Variants in BMPER observed in about 807,000 individuals in gnomAD.
The protein encoded by BMPER is BMP-binding endothelial regulator protein.
BMPER carries 45 observed loss-of-function variants against 87.3 expected under a neutral mutation model. The ratio of observed to expected loss-of-function variants is 0.52; its 90% CI spans 0.41 to 0.66. BMPER has a LOEUF of 0.66. Among genes scored for constraint, BMPER ranks in the 30% least tolerant of loss-of-function variants. The pLI is 0.00. For missense variants in BMPER, 784 were observed against 867.5 expected, an observed-to-expected ratio of 0.90 and a Z score of 1.21; for synonymous variants, 326 against 316.2, an observed-to-expected ratio of 1.03 and a Z score of -0.33.
At chr7:34,027,838 A>C (rs1299464346) in intron 6 of BMPER, among the ~76,000 whole-genome samples, 1 of 152,116 alleles carries the variant, frequency 6.6e-6, no homozygotes, top group Admixed American at 6.6e-5. Flanking sequence ...TACTCATATA[A>C]TTATCTGAAG....
rs1402760187 is a variant in BMPER, at chr7:33,905,565, A to G, written c.-49A>G. On this transcript the variant is annotated 5_prime_UTR_variant, in exon 1 of 15. Transcript: ENST00000649409. ...ACTGTGAGCTGCGGCAGCTGAGCAG[A>G]GGCGGCGGCGCGGGACCTGCAGTCG... The G allele has an allele frequency of 6.2e-7, 1 of 1,602,804 alleles. No homozygotes were observed. The highest frequency in any genetic ancestry group is 8.5e-7 in the Non-Finnish European group (1 of 1,178,640).
chr7:33,984,245 A>C (rs1021090011), intron 6 of BMPER, among the ~76,000 whole-genome samples: 2 of 152,104 alleles, frequency 1.3e-5, no homozygotes, highest in African/African-American at 4.8e-5. Context: ...AGGCGGGTGG[A>C]TCACGAGGTC....
intron 2 of BMPER, among the ~76,000 whole-genome samples, chr7:33,927,331 T>C (rs1450636266): frequency 6.6e-6 from 1 of 152,154 alleles, no homozygotes; most frequent in Non-Finnish European, 1.5e-5. Flanking sequence ...AGGTACGTTA[T>C]CCAGGAAGGA....
rs112678543 is a variant in BMPER, at chr7:33,937,578, G to T, written c.319+190G>T. The T allele has an allele frequency of 2.8e-3, 1,726 of 617,550 alleles. 18 individuals carry two copies. In the African/African-American group the frequency reaches 0.028, roughly 10 times the overall value. The allele number at this position is 617,550 out of a possible 1,614,324, so 38.3% of individuals were successfully genotyped here. A position where few individuals can be genotyped will look rare whatever the true frequency, so the allele number is the denominator to read the frequency against. On this transcript the variant is annotated intron_variant, in intron 3 of 14. Coordinates refer to ENST00000649409, the MANE Select transcript of BMPER (RefSeq NM_001365308.1). ...TGTATGTGTGTATCTGGGGCTGGAA[G>T]GAAGGGGGCTCTCCTGGAGGAGGGA... is the stretch of plus-strand genomic sequence containing the variant.
intron 13 of BMPER, among the ~76,000 whole-genome samples, chr7:34,140,573 G>T (rs1035621276): frequency 6.6e-6 from 1 of 152,188 alleles, no homozygotes; most frequent in Non-Finnish European, 1.5e-5. Context: ...GAGACAGAGG[G>T]ACCTGTCTGT....
chr7:33,937,989 G>A (rs1391949946), intron 3 of BMPER, among the ~76,000 whole-genome samples: 2 of 152,120 alleles, frequency 1.3e-5, no homozygotes, highest in African/African-American at 4.8e-5. Context: ...GCCTTAGTGT[G>A]GGTCTTTTTT....
At chr7:33,977,239 A>G (rs1418992758) in intron 6 of BMPER, among the ~76,000 whole-genome samples, 1 of 152,074 alleles carries the variant, frequency 6.6e-6, no homozygotes, top group African/African-American at 2.4e-5. Context: ...CTGGTTTTTA[A>G]TATTCTTTCA....
rs760041868 is a variant in BMPER, at chr7:34,079,089, C to G, written c.1311C>G (p.Thr437=). ...ESRVSLQQHL[T]VRWNGSRIAL... The stretch of plus-strand genomic sequence containing the variant: ...GGGTCAGCCTGCAGCAGCACCTCAC[C>G]GTGCGCTGGAACGGCTCGCGCATCG... The change falls in exon 12 of 15, where the codon ACC becomes ACG. Residue 437 remains threonine, a synonymous_variant. Transcript: ENST00000649409. 6.2e-7 allele frequency: 1 copy of G among 1,614,028 alleles called. No individual in the cohort carries two copies. The highest frequency in any genetic ancestry group is 1.1e-5 in the South Asian group (1 of 91,060).
chr7:34,066,764 T>C (rs550286876), intron 11 of BMPER, among the ~76,000 whole-genome samples: 1 of 152,166 alleles, frequency 6.6e-6, no homozygotes, highest in East Asian at 1.9e-4. Flanking sequence ...ATGGAAATAA[T>C]ACATAGGGTC....
rs74379866 is a variant in BMPER at position 33,919,980 on chromosome 7, T to C, written c.219+13077T>C. Among the ~76,000 whole-genome samples, 52 of 152,176 alleles carry C rather than the reference T, an allele frequency of 3.4e-4. No individual in the cohort carries two copies. In the East Asian group the frequency reaches 9.9e-3, roughly 29 times the overall value. ...ATGTATTTATATAACATTTGGATAA[T>C]GGTTTTAGTTTGGAAACTACCCTCT... On this transcript the variant is annotated intron_variant, in intron 2 of 14. Coordinates refer to ENST00000649409, the MANE Select transcript of BMPER (RefSeq NM_001365308.1).
chr7:34,145,871 C>G (rs1791003341), intron 14 of BMPER, among the ~76,000 whole-genome samples: 1 of 152,146 alleles, frequency 6.6e-6, no homozygotes, highest in South Asian at 2.1e-4. Flanking sequence ...ATTTCAGGGA[C>G]TGAGTCTCTG....
intron 2 of BMPER, among the ~76,000 whole-genome samples, chr7:33,936,532 T>C (rs972828075): frequency 6.6e-6 from 1 of 152,228 alleles, no homozygotes; most frequent in Non-Finnish European, 1.5e-5. Flanking sequence ...AAATCTCACA[T>C]TTTGTTGAAT....
intron 6 of BMPER, among the ~76,000 whole-genome samples, chr7:34,031,891 T>G (rs1211509274): frequency 1.6e-5 from 1 of 62,980 alleles, no homozygotes; most frequent in African/African-American, 1.3e-4. Context: ...ACCATATATA[T>G]ATATATATAT....
At chr7:34,083,268 A>G (rs1789103463) in intron 12 of BMPER, among the ~76,000 whole-genome samples, 3 of 152,190 alleles carry the variant, frequency 2.0e-5, no homozygotes. Context: ...TCTCACAGAG[A>G]TCCACATGGG....
chr7:34,065,070 G>C (rs957443848), intron 11 of BMPER, among the ~76,000 whole-genome samples: 3 of 152,092 alleles, frequency 2.0e-5, no homozygotes, highest in Admixed American at 2.0e-4. Flanking sequence ...CAGATTTCTA[G>C]AGTAGAGAAA....
chr7:33,905,586 A>T lies in BMPER; in HGVS notation c.-28A>T. 6.2e-7 allele frequency: 1 copy of T among 1,609,140 alleles called. No individual in the cohort carries two copies. The highest frequency in any genetic ancestry group is 1.3e-5 in the African/African-American group (1 of 74,792). The stretch of plus-strand genomic sequence containing the variant: ...GCAGAGGCGGCGGCGCGGGACCTGC[A>T]GTCGCCAGGGATTCCCTCCAGGTGA... On this transcript the variant is annotated 5_prime_UTR_variant, in exon 1 of 15. Coordinates refer to ENST00000649409, the MANE Select transcript of BMPER (RefSeq NM_001365308.1).
intron 13 of BMPER, among the ~76,000 whole-genome samples, chr7:34,142,224 T>C (rs896076477): frequency 6.6e-6 from 1 of 152,112 alleles, no homozygotes; most frequent in African/African-American, 2.4e-5. Context: ...AAGATGAGAT[T>C]GTTGTGTAGT....
At chr7:33,953,425 T>C (rs2128613891) in intron 3 of BMPER, among the ~76,000 whole-genome samples, 1 of 152,360 alleles carries the variant, frequency 6.6e-6, no homozygotes, top group Non-Finnish European at 1.5e-5. Flanking sequence ...TTCTAGTTAC[T>C]TGACCTTGGC....
chr7:34,017,678 T>C (rs1043921208), intron 6 of BMPER, among the ~76,000 whole-genome samples: 5 of 151,878 alleles, frequency 3.3e-5, no homozygotes, highest in African/African-American at 1.2e-4. Context: ...TGAGTGCTTT[T>C]TAACACACAC....
Sources: allele counts gnomAD v4.1 joint callset (sites outside exome capture counted in the v4.1 genomes callset), GRCh38; gene constraint gnomAD v4.1.1; transcripts MANE v1.5; gene names NCBI Gene and HGNC (gene_info 2026-07-23, HGNC 2026-07-21).